The following RIT2 variants were observed in gnomAD, a reference collection of about 807,000 sequenced individuals.
RIT2 encodes GTP-binding protein Rit2.
RIT2 carries 24 observed loss-of-function variants against 23.7 expected under a neutral mutation model. The observed-to-expected ratio is 1.01, with a 90% CI of 0.73 to 1.43. The LOEUF (loss-of-function observed/expected upper bound fraction) is 1.43. Ranked by LOEUF, RIT2 falls within the 40% of genes most tolerant of loss-of-function variation. The pLI is 0.00. For synonymous variants in RIT2, 107 were observed against 91.1 expected (o/e 1.17, Z -0.99); for missense variants, 236 against 266.9 (o/e 0.88, Z 0.81).
At chr18:42,907,303 A>C (rs138093257) in intron 4 of RIT2, among the ~76,000 whole-genome samples, 12 of 152,282 alleles carry the variant, frequency 7.9e-5, no homozygotes, top group Admixed American at 4.6e-4. Context: ...AAAAGGCATA[A>C]TATGGCGATT....
At chr18:42,825,386 T>C (rs1906267246) in intron 4 of RIT2, among the ~76,000 whole-genome samples, 1 of 151,798 alleles carries the variant, frequency 6.6e-6, no homozygotes, top group Non-Finnish European at 1.5e-5. Context: ...TGGTATAAGT[T>C]AATTGATTGC....
chr18:43,063,164 G>A (rs1369341554), intron 1 of RIT2, among the ~76,000 whole-genome samples: 6 of 152,088 alleles, frequency 3.9e-5, no homozygotes, highest in Non-Finnish European at 8.8e-5. Context: ...GAGTAGATTT[G>A]AGTAAAAAAG....
intron 4 of RIT2, among the ~76,000 whole-genome samples, chr18:42,911,243 C>T (rs1008327332): frequency 6.6e-6 from 1 of 151,634 alleles, no homozygotes; most frequent in South Asian, 2.1e-4. Context: ...TAAAAATAAA[C>T]ACAAAATATA....
intron 3 of RIT2, among the ~76,000 whole-genome samples, chr18:42,964,944 T>A (rs1345515533): frequency 6.6e-6 from 1 of 151,768 alleles, no homozygotes; most frequent in Non-Finnish European, 1.5e-5. Flanking sequence ...TTTATCCTTC[T>A]CTGGTTACCA....
chr18:42,842,010 T>C (rs1198070999), intron 4 of RIT2, among the ~76,000 whole-genome samples: 1 of 152,230 alleles, frequency 6.6e-6, no homozygotes, highest in Non-Finnish European at 1.5e-5. Context: ...AAAAATTCTT[T>C]TGTGGTATTT....
In RIT2 at chr18:43,033,839, CT is replaced by C; in HGVS notation, c.131del (p.Gln44ArgfsTer10). ...SAMTMQFISH[Q>X]FPDYHDPTIE... is the part of the protein sequence containing the mutation. Reference sequence around the variant, plus strand: ...TAGTAGGGTCATGATAATCAGGGAACTGATGACTAATAAACTGCATTGTCAT... The same window carrying C: ...TAGTAGGGTCATGATAATCAGGGAACGATGACTAATAAACTGCATTGTCAT... On this transcript the variant is annotated frameshift_variant, in exon 2 of 5. Transcript: ENST00000326695. LOFTEE classifies it high-confidence loss of function. 1 of 1,609,048 alleles carries C rather than the reference CT, an allele frequency of 6.2e-7. No individual in the cohort carries two copies. Among genetic ancestry groups the C allele is most frequent in the Non-Finnish European group, 8.5e-7 (1 of 1,176,458 alleles).
intron 2 of RIT2, among the ~76,000 whole-genome samples, chr18:42,981,339 A>G (rs1010258515): frequency 2.0e-5 from 3 of 152,170 alleles, no homozygotes; most frequent in Non-Finnish European, 2.9e-5. Flanking sequence ...ACAGAAATAA[A>G]AAGAACTTTT....
chr18:42,905,324 T>A (rs2144111665), intron 4 of RIT2, among the ~76,000 whole-genome samples: 1 of 152,344 alleles, frequency 6.6e-6, no homozygotes, highest in African/African-American at 2.4e-5. Context: ...AAGAGCAGGG[T>A]AAATACATCT....
chr18:42,914,669 T>TTGAG (rs1272099344), intron 4 of RIT2, among the ~76,000 whole-genome samples: 1 of 151,796 alleles, frequency 6.6e-6, no homozygotes, highest in Non-Finnish European at 1.5e-5. Context: ...GGCCTCAGAG[T>TTGAG]AATGGCAGAG....
chr18:42,999,354 G>A (rs555332134), intron 2 of RIT2, among the ~76,000 whole-genome samples: 5 of 152,118 alleles, frequency 3.3e-5, no homozygotes, highest in Admixed American at 3.3e-4. Context: ...ATTGCATAGA[G>A]TACAATCCTA....
At chr18:42,884,349 T>C (rs901686896) in intron 4 of RIT2, among the ~76,000 whole-genome samples, 2 of 152,232 alleles carry the variant, frequency 1.3e-5, no homozygotes, top group Non-Finnish European at 2.9e-5. Flanking sequence ...GTCATAACTA[T>C]GACAAACCCA....
intron 4 of RIT2, among the ~76,000 whole-genome samples, chr18:42,840,125 G>T (rs1906723666): frequency 6.6e-6 from 1 of 152,146 alleles, no homozygotes; most frequent in Non-Finnish European, 1.5e-5. Context: ...TCCAATCAGG[G>T]CAGAACTGAA....
chr18:42,903,179 G>A (rs190539811), intron 4 of RIT2, among the ~76,000 whole-genome samples: 52 of 152,036 alleles, frequency 3.4e-4, no homozygotes, highest in African/African-American at 1.2e-3. Flanking sequence ...ACTAAGGTGC[G>A]ATATGTTAAT....
chr18:42,819,034 T>C (rs1214454195), intron 4 of RIT2, among the ~76,000 whole-genome samples: 1 of 152,036 alleles, frequency 6.6e-6, no homozygotes, highest in African/African-American at 2.4e-5. Flanking sequence ...TATATCAAAG[T>C]TTAGATCAGA....
At chr18:42,868,148 A>G (rs9709682) in intron 4 of RIT2, among the ~76,000 whole-genome samples, 6 of 152,178 alleles carry the variant, frequency 3.9e-5, no homozygotes, top group Admixed American at 2.6e-4. Flanking sequence ...TTTTCCACAC[A>G]TGCATATTTT....
At chr18:42,817,644 T>C (rs1181321041) in intron 4 of RIT2, among the ~76,000 whole-genome samples, 1 of 152,030 alleles carries the variant, frequency 6.6e-6, no homozygotes, top group African/African-American at 2.4e-5. Flanking sequence ...GATTGAGAAT[T>C]GGAGTTTGGT....
At chr18:43,001,110 T>C (rs772649140) in intron 2 of RIT2, among the ~76,000 whole-genome samples, 3 of 152,052 alleles carry the variant, frequency 2.0e-5, no homozygotes, top group Non-Finnish European at 4.4e-5. Flanking sequence ...AACTATTTCA[T>C]TCATTGCAGT....
intron 4 of RIT2, among the ~76,000 whole-genome samples, chr18:42,889,713 C>T (rs1314759773): frequency 2.6e-5 from 4 of 151,938 alleles, no homozygotes; most frequent in Non-Finnish European, 5.9e-5. Context: ...AAAATGTATA[C>T]CGCCATCAAA....
At chr18:43,001,168 C>G (rs140640324) in intron 2 of RIT2, among the ~76,000 whole-genome samples, 2 of 151,806 alleles carry the variant, frequency 1.3e-5, no homozygotes, top group Admixed American at 1.3e-4. Context: ...CAGCGAGGGA[C>G]AAGAGTCATT....
Sources: allele counts gnomAD v4.1 joint callset (sites outside exome capture counted in the v4.1 genomes callset), GRCh38; gene constraint gnomAD v4.1.1; transcripts MANE v1.5; gene names NCBI Gene and HGNC (gene_info 2026-07-23, HGNC 2026-07-21).